GALNT18: variants seen among roughly 807,000 people sequenced by gnomAD.
GALNT18 encodes GalNAc-transferase 18.
Under a neutral mutation model 69.5 loss-of-function variants are expected in GALNT18, and 44 were observed. That is an observed-to-expected ratio of 0.63 (90% CI 0.50 to 0.81). The LOEUF is 0.81. GALNT18 is among the 40% of genes least tolerant of loss of function. The pLI is 0.00. For synonymous variants in GALNT18, 364 were observed against 318.2 expected (o/e 1.14, Z -1.53); for missense variants, 715 against 810.0 (o/e 0.88, Z 1.42).
At chr11:11,290,492 A>G (rs1849277193) in intron 10 of GALNT18, among the ~76,000 whole-genome samples, 1 of 152,098 alleles carries the variant, frequency 6.6e-6, no homozygotes, top group African/African-American at 2.4e-5. Context: ...TTGGCCTTCC[A>G]GACTCTTCAG....
At chr11:11,288,846 C>T (rs968642963) in intron 10 of GALNT18, among the ~76,000 whole-genome samples, 9 of 150,622 alleles carry the variant, frequency 6.0e-5, no homozygotes, top group African/African-American at 1.2e-4. Context: ...ATGCAAATGC[C>T]TATCTATCTT....
Position 11,512,934 on chromosome 11 carries a change from G to A in GALNT18, c.236-63998C>T, listed in dbSNP as rs76761800. ...ATCTGTGTGTGTGTCTGTGTGCGTGGTACCTGTGCGTGTGCATCTGTGTAC... is the reference window on the plus strand; with the variant it reads ...ATCTGTGTGTGTGTCTGTGTGCGTGATACCTGTGCGTGTGCATCTGTGTAC... On this transcript the variant is annotated intron_variant, in intron 1 of 10. Transcript: ENST00000227756. Among the ~76,000 whole-genome samples the A allele has an allele frequency of 2.2e-3, 336 of 152,296 alleles. 4 individuals carry two copies. The highest frequency in any genetic ancestry group is 7.8e-3 in the African/African-American group (325 of 41,554).
rs1857888723 is a variant in GALNT18 at position 11,540,445 on chromosome 11, G to A, written c.235+80914C>T. Among the ~76,000 whole-genome samples the A allele has an allele frequency of 6.6e-6, 1 of 152,136 alleles. No homozygotes were observed. Among genetic ancestry groups the A allele is most frequent in the Admixed American group, 6.5e-5 (1 of 15,278 alleles). ...TACTGAAGGGCTGGCAGAGCTGCAG[G>A]TGATACCTTGCCAATAGGAGACACG... On this transcript the variant is annotated intron_variant, in intron 1 of 10. Coordinates refer to ENST00000227756, the MANE Select transcript of GALNT18 (RefSeq NM_198516.3). The surrounding 1 kb of genome is among the most constrained non-coding windows in gnomAD (Gnocchi z 4.6).
At chr11:11,489,966 C>T (rs1353945629) in intron 1 of GALNT18, among the ~76,000 whole-genome samples, 2 of 152,150 alleles carry the variant, frequency 1.3e-5, no homozygotes, top group African/African-American at 2.4e-5. Flanking sequence ...CACAACATGG[C>T]TGCCATGGTT....
rs554154264 is a variant in GALNT18, at chr11:11,488,368, G to A, written c.236-39432C>T. Reference sequence around the variant, plus strand: ...TCTTCACAGTCAGCCCAGGTGGATCGAATCCTTCTCGCATTGAATCACTGT... The same window carrying A: ...TCTTCACAGTCAGCCCAGGTGGATCAAATCCTTCTCGCATTGAATCACTGT... On this transcript the variant is annotated intron_variant, in intron 1 of 10. Transcript: ENST00000227756. Among the ~76,000 whole-genome samples the A allele has an allele frequency of 2.6e-4, 39 of 152,046 alleles. 1 individual carries two copies. Among genetic ancestry groups the A allele is most frequent in the South Asian group, 1.0e-3 (5 of 4,804 alleles).
rs1702803655 is a variant in GALNT18 at position 11,562,017 on chromosome 11, CCT to C, written c.235+59340_235+59341del. Among the ~76,000 whole-genome samples the C allele has an allele frequency of 6.6e-6, 1 of 152,246 alleles. No homozygotes were observed. The highest frequency in any genetic ancestry group is 2.4e-5 in the African/African-American group (1 of 41,468). On this transcript the variant is annotated intron_variant, in intron 1 of 10. Coordinates refer to ENST00000227756, the MANE Select transcript of GALNT18 (RefSeq NM_198516.3). The surrounding 1 kb of genome is among the most constrained non-coding windows in gnomAD (Gnocchi z 4.1). Reference sequence around the variant, plus strand: ...AATGCAGGGCAGGGCTCTAGCCAGGCCTTCCGAGCACTCCATAAACCACACTC... The same window carrying C: ...AATGCAGGGCAGGGCTCTAGCCAGGCTCCGAGCACTCCATAAACCACACTC...
At chr11:11,355,226 TAGG>T (rs1196760909) in intron 6 of GALNT18, among the ~76,000 whole-genome samples, 2 of 152,236 alleles carry the variant, frequency 1.3e-5, no homozygotes, top group African/African-American at 2.4e-5. Flanking sequence ...GTCTTTGTTG[TAGG>T]AGATGGGAAT....
Position 11,348,065 on chromosome 11 carries a change from G to A in GALNT18, c.1093-7061C>T, listed in dbSNP as rs555122080. On this transcript the variant is annotated intron_variant, in intron 6 of 10. Transcript: ENST00000227756. ...ATTTCACTCACCTCATTCTATCCTG[G>A]CTCTGCATGGGAATAAGAAAGAGAA... Among the ~76,000 whole-genome samples, 3 of 118,606 alleles carry A rather than the reference G, an allele frequency of 2.5e-5. No individual in the cohort carries two copies. In the South Asian group the frequency reaches 1.2e-3, roughly 48 times the overall value. 77.8% of individuals were successfully genotyped at this position (118,606 alleles called of 152,430 possible).
At chr11:11,367,247 C>T (rs1187087227) in intron 6 of GALNT18, among the ~76,000 whole-genome samples, 2 of 152,094 alleles carry the variant, frequency 1.3e-5, no homozygotes, top group Non-Finnish European at 2.9e-5. Context: ...ATCATCCAGT[C>T]CTAGGAGCAG....
chr11:11,381,378 C>A (rs1371987984), intron 3 of GALNT18, among the ~76,000 whole-genome samples: 1 of 152,154 alleles, frequency 6.6e-6, no homozygotes, highest in Admixed American at 6.5e-5. Context: ...CCCTCTCTTC[C>A]CCATGAAAGG....
chr11:11,292,398 T>A (rs1849317241), intron 10 of GALNT18, among the ~76,000 whole-genome samples: 2 of 151,880 alleles, frequency 1.3e-5, no homozygotes, highest in Non-Finnish European at 2.9e-5. Context: ...GAGCAGGAAG[T>A]CAAATATGGG....
At position 11,435,414 on chromosome 11, in the gene GALNT18, G is replaced by T. The variant is rs1277127284; in HGVS notation, c.429-2627C>A. On this transcript the variant is annotated intron_variant, in intron 2 of 10. Transcript: ENST00000227756. This position sits in a 1 kb window ranked among gnomAD's most constrained non-coding sequence, Gnocchi z 4.4. Reference sequence around the variant, plus strand: ...CCACGCAGAATGAAATGCTGTATTTGTATAATAAGCTAAGCCCTGCTGATC... The same window carrying T: ...CCACGCAGAATGAAATGCTGTATTTTTATAATAAGCTAAGCCCTGCTGATC... 6.6e-6 allele frequency among the ~76,000 whole-genome samples: 1 copy of T among 152,210 alleles called. No homozygotes were observed. Among genetic ancestry groups the T allele is most frequent in the African/African-American group, 2.4e-5 (1 of 41,442 alleles).
intron 1 of GALNT18, among the ~76,000 whole-genome samples, chr11:11,478,813 T>C (rs1418803440): frequency 6.6e-6 from 1 of 151,150 alleles, no homozygotes; most frequent in Non-Finnish European, 1.5e-5. Flanking sequence ...AATTGGCTTC[T>C]ATGTGAATTT....
intron 1 of GALNT18, among the ~76,000 whole-genome samples, chr11:11,529,782 GTA>G (rs1418822686): frequency 1.3e-5 from 2 of 152,170 alleles, no homozygotes; most frequent in East Asian, 1.9e-4. Context: ...GTGAATGTGT[GTA>G]TGTCTGTGAG....
chr11:11,506,566 T>A (rs1028966546), intron 1 of GALNT18, among the ~76,000 whole-genome samples: 1 of 152,188 alleles, frequency 6.6e-6, no homozygotes, highest in Non-Finnish European at 1.5e-5. Flanking sequence ...CCTGGAGTAG[T>A]GCTGGCCATG....
At chr11:11,350,656 G>A (rs1055023894) in intron 6 of GALNT18, among the ~76,000 whole-genome samples, 2 of 152,198 alleles carry the variant, frequency 1.3e-5, no homozygotes, top group Non-Finnish European at 2.9e-5. Flanking sequence ...GGTGCAAATC[G>A]ATGAGATGAG....
intron 1 of GALNT18, among the ~76,000 whole-genome samples, chr11:11,479,376 G>A (rs1266399220): frequency 6.6e-6 from 1 of 152,122 alleles, no homozygotes; most frequent in Non-Finnish European, 1.5e-5. Context: ...GAAAATATAA[G>A]GCAGCCAAAT....
chr11:11,581,619 G>A (rs529940399), intron 1 of GALNT18, among the ~76,000 whole-genome samples: 9 of 152,052 alleles, frequency 5.9e-5, no homozygotes, highest in African/African-American at 1.7e-4. Flanking sequence ...CCTGAAGGGT[G>A]CAGCTTGTTA....
At chr11:11,345,957 G>A (rs1454693469) in intron 6 of GALNT18, among the ~76,000 whole-genome samples, 1 of 152,190 alleles carries the variant, frequency 6.6e-6, no homozygotes, top group Non-Finnish European at 1.5e-5. Flanking sequence ...TGGGTCCTGA[G>A]GCTTCTGACG....
Sources: gnomAD v4.1 joint callset for allele counts (sites outside exome capture counted in the v4.1 genomes callset) on GRCh38, gnomAD v4.1.1 for gene constraint, Gnocchi (gnomAD v3.1) non-coding constraint, MANE v1.5 for transcripts, NCBI Gene and HGNC (gene_info 2026-07-23, HGNC 2026-07-21) for gene names.